RANBP2: variants seen among roughly 807,000 people sequenced by gnomAD.
The protein encoded by RANBP2 is RAN binding protein 2, also known as E3 SUMO-protein ligase RanBP2.
RANBP2 carries 57 observed loss-of-function variants against 303.6 expected under a neutral mutation model. That is an observed-to-expected ratio of 0.19 (90% CI 0.15 to 0.23). The LOEUF is 0.23. RANBP2 is among the 10% of genes least tolerant of loss of function. The pLI is 1.00. For missense variants in RANBP2, 3,138 were observed against 3,780.8 expected (o/e 0.83, Z 4.46); for synonymous variants, 1,167 against 1,301.5 (o/e 0.90, Z 2.23).
At chr2:108,733,257 C>CTTTTT (rs34665362) in intron 4 of RANBP2, among the ~76,000 whole-genome samples, 3 of 85,004 alleles carry the variant, frequency 3.5e-5, no homozygotes, top group Non-Finnish European at 6.4e-5. Flanking sequence ...TAACCATTCC[C>CTTTTT]TTTTTTTTTT....
the RANBP2 span, among the ~76,000 whole-genome samples, chr2:109,681,633 G>A: frequency 5.9e-5 from 9 of 152,214 alleles, no homozygotes; most frequent in Non-Finnish European, 5.9e-5. Context: ...CCACAGCACC[G>A]AGGCTGGAGA....
At chr2:108,798,816 T>TACACACACACACACACAAACACAC in the RANBP2 span, among the ~76,000 whole-genome samples, 1 of 131,556 alleles carries the variant, frequency 7.6e-6, no homozygotes, top group Non-Finnish European at 1.6e-5. Flanking sequence ...TCTCCACACC[T>TACACACACACACACACAAACACAC]ACACACACAC....
chr2:109,163,760 T>C, the RANBP2 span, among the ~76,000 whole-genome samples: 2 of 152,190 alleles, frequency 1.3e-5, no homozygotes, highest in African/African-American at 4.8e-5. Flanking sequence ...ATCGCCATCC[T>C]GTGTGCAGTC....
the RANBP2 span, among the ~76,000 whole-genome samples, chr2:108,990,665 T>C: frequency 1.3e-5 from 2 of 152,096 alleles, no homozygotes; most frequent in Non-Finnish European, 2.9e-5. Flanking sequence ...ACCTAGACTG[T>C]AAAGGACTAA....
At chr2:108,959,609 C>T in the RANBP2 span, among the ~76,000 whole-genome samples, 1 of 152,158 alleles carries the variant, frequency 6.6e-6, no homozygotes, top group Non-Finnish European at 1.5e-5. Flanking sequence ...CTCACACACC[C>T]TTGGGGCTCC....
chr2:108,772,428 C>G, intron 21 of RANBP2, 61 bp from the exon 22 acceptor site: 1 of 1,364,056 alleles, frequency 7.3e-7, no homozygotes, highest in Non-Finnish European at 1.0e-6. Context: ...GGAGGTAGTC[C>G]CTAAGCAAGG....
At chr2:109,065,203 T>C in the RANBP2 span, among the ~76,000 whole-genome samples, 1 of 152,174 alleles carries the variant, frequency 6.6e-6, no homozygotes, top group Non-Finnish European at 1.5e-5. Context: ...TTCATCAATG[T>C]GTGTTCTCTG....
At chr2:109,390,531 A>G in the RANBP2 span, among the ~76,000 whole-genome samples, 1 of 152,192 alleles carries the variant, frequency 6.6e-6, no homozygotes, top group Non-Finnish European at 1.5e-5. Flanking sequence ...ACATCACCCA[A>G]TATCAAGAGG....
the RANBP2 span, among the ~76,000 whole-genome samples, chr2:108,825,450 T>A: frequency 9.2e-5 from 14 of 152,108 alleles, no homozygotes; most frequent in Non-Finnish European, 1.3e-4. Context: ...ACCCAACCCA[T>A]TAGCAGTTGC....
chr2:109,691,043 G>A, the RANBP2 span, among the ~76,000 whole-genome samples: 1 of 152,166 alleles, frequency 6.6e-6, no homozygotes, highest in Admixed American at 6.5e-5. Context: ...GCTCTGTCCT[G>A]CTGCAAGGCA....
At chr2:108,867,320 T>C in the RANBP2 span, among the ~76,000 whole-genome samples, 2,443 of 152,254 alleles carry the variant, frequency 0.016, 74 homozygotes, top group African/African-American at 0.057. Flanking sequence ...TGGGAATTAC[T>C]GGCAGCACTA....
the RANBP2 span, among the ~76,000 whole-genome samples, chr2:109,002,011 T>G: frequency 6.6e-6 from 1 of 152,204 alleles, no homozygotes; most frequent in African/African-American, 2.4e-5. Flanking sequence ...ATTACAGGCA[T>G]GAGCCACTGC....
chr2:109,193,553 C>T, the RANBP2 span, among the ~76,000 whole-genome samples: 1 of 152,190 alleles, frequency 6.6e-6, no homozygotes, highest in Non-Finnish European at 1.5e-5. Context: ...CATGATGTTT[C>T]TGAAGCTCAC....
chr2:109,656,911 C>T, the RANBP2 span, among the ~76,000 whole-genome samples: 31 of 151,838 alleles, frequency 2.0e-4, no homozygotes, highest in East Asian at 1.4e-3. Context: ...AAAAGTAGGG[C>T]GGTTCATAGA....
At chr2:108,961,785 C>T in the RANBP2 span, among the ~76,000 whole-genome samples, 1 of 152,140 alleles carries the variant, frequency 6.6e-6, no homozygotes, top group African/African-American at 2.4e-5. Flanking sequence ...GGTCTTTTAA[C>T]CTGCTGCTGC....
At chr2:108,931,829 CAAAG>C in the RANBP2 span, among the ~76,000 whole-genome samples, 1 of 152,010 alleles carries the variant, frequency 6.6e-6, no homozygotes, top group African/African-American at 2.4e-5. Context: ...CCTGGCTCTA[CAAAG>C]AGAGATAATG....
At chr2:108,847,933 C>A in the RANBP2 span, among the ~76,000 whole-genome samples, 3 of 152,048 alleles carry the variant, frequency 2.0e-5, no homozygotes, top group Non-Finnish European at 4.4e-5. Flanking sequence ...AGGTCACTTA[C>A]GAGAAGCAGG....
the RANBP2 span, chr2:108,846,715 A>G: frequency 1.3e-6 from 2 of 1,574,662 alleles, no homozygotes; most frequent in Non-Finnish European, 1.7e-6. Context: ...TAAATATACT[A>G]AGATTGTACA....
intron 25 of RANBP2, among the ~76,000 whole-genome samples, chr2:108,780,027 A>T (rs543934708): frequency 3.3e-4 from 50 of 152,298 alleles, no homozygotes; most frequent in African/African-American, 1.2e-3. Flanking sequence ...AGAAGTAGGT[A>T]AAAAGAACCT....
Sources: gnomAD v4.1 joint callset for allele counts (sites outside exome capture counted in the v4.1 genomes callset) on GRCh38, gnomAD v4.1.1 for gene constraint, MANE v1.5 for transcripts, NCBI Gene and HGNC (gene_info 2026-07-23, HGNC 2026-07-21) for gene names.